MDGA2: variants seen among roughly 807,000 people sequenced by gnomAD.
MDGA2 encodes MAM domain containing glycosylphosphatidylinositol anchor 2.
In MDGA2, 40 loss-of-function variants were observed where a neutral mutation model predicts 117.8. The observed-to-expected ratio is 0.34, with a 90% confidence interval of 0.26 to 0.44. MDGA2 has a LOEUF of 0.44. Among genes scored for constraint, MDGA2 ranks in the 20% least tolerant of loss-of-function variants. The pLI, the probability that MDGA2 is intolerant of heterozygous loss-of-function variation, is 1.00. For missense variants in MDGA2, 1,123 were observed against 1,250.6 expected (o/e 0.90, Z 1.54); for synonymous variants, 452 against 439.0 (o/e 1.03, Z -0.37).
chr14:46,970,162 A>G (rs952859610), intron 8 of MDGA2, among the ~76,000 whole-genome samples: 1 of 151,874 alleles, frequency 6.6e-6, no homozygotes, highest in African/African-American at 2.4e-5. Flanking sequence ...CCTTACAAAA[A>G]TGTCAATATC....
chr14:47,574,572 T>C (rs1271525064), intron 1 of MDGA2, among the ~76,000 whole-genome samples: 1 of 152,192 alleles, frequency 6.6e-6, no homozygotes, highest in Non-Finnish European at 1.5e-5. Context: ...AGGTCAATTG[T>C]AATATCTGAT....
At chr14:47,401,292 A>G (rs755104252) in intron 1 of MDGA2, among the ~76,000 whole-genome samples, 1 of 152,190 alleles carries the variant, frequency 6.6e-6, no homozygotes, top group Non-Finnish European at 1.5e-5. Context: ...GAAAACAGTA[A>G]AAGTGTCTTT....
intron 8 of MDGA2, among the ~76,000 whole-genome samples, chr14:46,967,796 CATTT>C (rs1481573410): frequency 3.9e-5 from 6 of 152,064 alleles, no homozygotes; most frequent in Non-Finnish European, 8.8e-5. Context: ...GATAAATTTT[CATTT>C]ATTAATTAAG....
intron 2 of MDGA2, among the ~76,000 whole-genome samples, chr14:47,235,144 T>A (rs763910592): frequency 2.0e-5 from 3 of 152,192 alleles, no homozygotes; most frequent in Admixed American, 1.3e-4. Context: ...AAAGAGAAGC[T>A]AATGACAGAA....
intron 2 of MDGA2, among the ~76,000 whole-genome samples, chr14:47,252,754 AG>A (rs1253239913): frequency 2.0e-5 from 3 of 152,320 alleles, no homozygotes; most frequent in African/African-American, 7.2e-5. Flanking sequence ...GAGAAGGAAA[AG>A]GTGAGAGTGA....
intron 2 of MDGA2, among the ~76,000 whole-genome samples, chr14:47,225,856 A>C (rs770444506): frequency 1.3e-5 from 2 of 152,118 alleles, no homozygotes; most frequent in Non-Finnish European, 2.9e-5. Context: ...AATGCATAAG[A>C]ACCCATTTTT....
In MDGA2 at chr14:47,437,378, A is replaced by G. The variant is rs185296498; in HGVS notation, c.281-135828T>C. Among the ~76,000 whole-genome samples the G allele has an allele frequency of 7.0e-4, 106 of 152,290 alleles. 1 individual carries two copies. Among genetic ancestry groups the G allele is most frequent in the African/African-American group, 2.4e-3 (98 of 41,582 alleles). On this transcript the variant is annotated intron_variant, in intron 1 of 16. Coordinates refer to ENST00000399232, the MANE Select transcript of MDGA2 (RefSeq NM_001113498.3). ...CATGGCCTAGTCAAGGGCATATGGT[A>G]AATCTCAGTAAATAACAGCTATTAT... is the stretch of plus-strand genomic sequence containing the variant.
chr14:47,515,510 T>C (rs1894733214), intron 1 of MDGA2, among the ~76,000 whole-genome samples: 1 of 152,010 alleles, frequency 6.6e-6, no homozygotes, highest in South Asian at 2.1e-4. Flanking sequence ...ACACTGAAAA[T>C]AGAATCAATG....
At chr14:47,388,591 G>A (rs1891813250) in intron 1 of MDGA2, among the ~76,000 whole-genome samples, 1 of 152,148 alleles carries the variant, frequency 6.6e-6, no homozygotes, top group African/African-American at 2.4e-5. Context: ...GACCAAGTCA[G>A]ATTCTCTTTT....
intron 1 of MDGA2, among the ~76,000 whole-genome samples, chr14:47,459,172 T>C (rs1429353513): frequency 1.3e-5 from 2 of 152,016 alleles, no homozygotes; most frequent in African/African-American, 2.4e-5. Context: ...TTATTCTTGA[T>C]GTCTTTGAAT....
At chr14:47,628,091 C>T (rs1202928306) in intron 1 of MDGA2, among the ~76,000 whole-genome samples, 2 of 152,154 alleles carry the variant, frequency 1.3e-5, no homozygotes, top group Non-Finnish European at 2.9e-5. Context: ...AAGGAGCGAA[C>T]CTGAACTCTT....
intron 9 of MDGA2, among the ~76,000 whole-genome samples, chr14:46,954,858 T>C (rs1185525498): frequency 6.6e-6 from 1 of 152,148 alleles, no homozygotes; most frequent in Non-Finnish European, 1.5e-5. Flanking sequence ...TTACCCTCTC[T>C]GTATTCACTT....
intron 1 of MDGA2, among the ~76,000 whole-genome samples, chr14:47,531,720 T>G (rs1265855394): frequency 6.6e-6 from 1 of 152,230 alleles, no homozygotes; most frequent in African/African-American, 2.4e-5. Flanking sequence ...TGATAAAGAC[T>G]TGTCAAATGT....
intron 1 of MDGA2, among the ~76,000 whole-genome samples, chr14:47,540,510 GTATATGTATA>G (rs1895323427): frequency 9.3e-6 from 1 of 107,212 alleles, no homozygotes; most frequent in Non-Finnish European, 1.9e-5. Context: ...GTTTGTATAT[GTATATGTATA>G]TGTGTGTGTG....
At chr14:47,298,688 T>TC (rs1360254172) in intron 2 of MDGA2, among the ~76,000 whole-genome samples, 3 of 146,970 alleles carry the variant, frequency 2.0e-5, no homozygotes, top group Middle Eastern at 3.2e-3. Flanking sequence ...TTTTTCTTTT[T>TC]TTTTTTTTTT....
At chr14:46,976,311 GAAC>G (rs1287460649) in intron 8 of MDGA2, among the ~76,000 whole-genome samples, 1 of 151,786 alleles carries the variant, frequency 6.6e-6, no homozygotes, top group African/African-American at 2.4e-5. Flanking sequence ...AAACAAAAAA[GAAC>G]AAAACAGAAC....
At chr14:47,297,784 T>C (rs923396242) in intron 2 of MDGA2, among the ~76,000 whole-genome samples, 3 of 152,136 alleles carry the variant, frequency 2.0e-5, no homozygotes, top group South Asian at 2.1e-4. Flanking sequence ...AATACTGAAA[T>C]TGATTTAAAT....
intron 6 of MDGA2, among the ~76,000 whole-genome samples, chr14:47,087,460 C>CAAG (rs1890944827): frequency 1.5e-5 from 1 of 67,958 alleles, no homozygotes; most frequent in Non-Finnish European, 2.8e-5. Context: ...GACTCCACAT[C>CAAG]AAAAAAAAAA....
chr14:47,295,980 A>AGATAGATAGATAGATAGATG (rs58307199), intron 2 of MDGA2, among the ~76,000 whole-genome samples: 1 of 148,784 alleles, frequency 6.7e-6, no homozygotes, highest in Non-Finnish European at 1.5e-5. Flanking sequence ...ATAGATAGAT[A>AGATAGATAGATAGATAGATG]TAGTAAAGCT....
Sources: gnomAD v4.1 joint callset for allele counts (sites outside exome capture counted in the v4.1 genomes callset) on GRCh38, gnomAD v4.1.1 for gene constraint, MANE v1.5 for transcripts, NCBI Gene and HGNC (gene_info 2026-07-23, HGNC 2026-07-21) for gene names.